The following FLT1 variants were observed in gnomAD, a reference collection of about 807,000 sequenced individuals.
The protein encoded by FLT1 is fms related receptor tyrosine kinase 1, also known as vascular endothelial growth factor receptor 1.
FLT1 carries 49 observed loss-of-function variants against 156.3 expected under a neutral mutation model. That is an observed-to-expected ratio of 0.31 (90% CI 0.25 to 0.40). The LOEUF is 0.40. Among genes scored for constraint, FLT1 ranks in the 10% least tolerant of loss-of-function variants. The probability of loss-of-function intolerance (pLI) is 1.00; values close to 1 mark genes in which losing one functional copy is unlikely to be tolerated. For synonymous variants in FLT1, 594 were observed against 583.8 expected (o/e 1.02, Z -0.25); for missense variants, 1,322 against 1,637.2 (o/e 0.81, Z 3.32).
At chr13:28,372,070 A>ATT (rs1565990447) in intron 14 of FLT1, among the ~76,000 whole-genome samples, 38 of 17,218 alleles carry the variant, frequency 2.2e-3, no homozygotes, top group South Asian at 5.0e-3. Context: ...ATATATATAT[A>ATT]TATATATTTT....
At position 28,495,093 on chromosome 13, in the gene FLT1, C is replaced by A; in HGVS notation, c.-250G>T. ...CCGGGGAGGAGCCGAGAGGAGTGTC[C>A]GCCTGGCGCGCTCCGAGCCTCCCGC... On this transcript the variant is annotated 5_prime_UTR_variant, in exon 1 of 30. Transcript: ENST00000282397. The surrounding 1 kb of genome is among the most constrained non-coding windows in gnomAD (Gnocchi z 4.1). 2.2e-6 allele frequency: 1 copy of A among 452,846 alleles called. No homozygotes were observed. Among genetic ancestry groups the A allele is most frequent in the Non-Finnish European group, 3.8e-6 (1 of 259,848 alleles). 28.1% of individuals were successfully genotyped at this position (452,846 alleles called of 1,614,324 possible).
intron 1 of FLT1, among the ~76,000 whole-genome samples, chr13:28,490,401 A>C (rs1454520300): frequency 6.6e-6 from 1 of 152,248 alleles, no homozygotes; most frequent in Non-Finnish European, 1.5e-5. Context: ...TATCTTCAGC[A>C]GACTCAATGC....
chr13:28,472,017 G>A (rs1205229139), intron 1 of FLT1, among the ~76,000 whole-genome samples: 1 of 152,148 alleles, frequency 6.6e-6, no homozygotes, highest in African/African-American at 2.4e-5. Context: ...ATGTGAACGT[G>A]GACTTATTTG....
At chr13:28,365,963 A>AGGG (rs1873276139) in intron 14 of FLT1, among the ~76,000 whole-genome samples, 1 of 152,212 alleles carries the variant, frequency 6.6e-6, no homozygotes, top group African/African-American at 2.4e-5. Context: ...GGATAAAATA[A>AGGG]TGGAAGGGGG....
At chr13:28,492,555 A>G (rs1881527893) in intron 1 of FLT1, among the ~76,000 whole-genome samples, 1 of 152,218 alleles carries the variant, frequency 6.6e-6, no homozygotes, top group African/African-American at 2.4e-5. Flanking sequence ...TTACCTCTCA[A>G]TGCATGTGCA....
intron 14 of FLT1, among the ~76,000 whole-genome samples, chr13:28,380,153 G>A (rs78255418): frequency 1.3e-5 from 2 of 152,114 alleles, no homozygotes; most frequent in African/African-American, 4.8e-5. Flanking sequence ...CTGGCTAAAG[G>A]CTGAGTATAT....
At chr13:28,320,332 G>C (rs751824115) in intron 23 of FLT1, among the ~76,000 whole-genome samples, 14 of 152,088 alleles carry the variant, frequency 9.2e-5, no homozygotes, top group Non-Finnish European at 1.6e-4. Context: ...TTTTTACAAA[G>C]GATCAATGTG....
At chr13:28,456,381 A>G (rs1593813096) in intron 3 of FLT1, among the ~76,000 whole-genome samples, 1 of 152,182 alleles carries the variant, frequency 6.6e-6, no homozygotes, top group African/African-American at 2.4e-5. Flanking sequence ...CCATGGAAAG[A>G]CATGGAGGAA....
chr13:28,473,674 AG>A (rs1489995104), intron 1 of FLT1, among the ~76,000 whole-genome samples: 32 of 98,836 alleles, frequency 3.2e-4, no homozygotes, highest in South Asian at 7.2e-4. Flanking sequence ...AGAAAGAAAG[AG>A]AGAGAGAGAG....
chr13:28,388,375 G>C, intron 13 of FLT1: 1 of 1,057,652 alleles, frequency 9.5e-7, no homozygotes, highest in Non-Finnish European at 1.1e-6. Context: ...TCCCAAGCTT[G>C]AGAAGTTGTC....
intron 1 of FLT1, among the ~76,000 whole-genome samples, chr13:28,482,787 T>C (rs780973850): frequency 3.9e-5 from 6 of 152,246 alleles, no homozygotes; most frequent in Non-Finnish European, 7.3e-5. Context: ...AAGGCTAAAG[T>C]GAAGTAGAAA....
intron 14 of FLT1, among the ~76,000 whole-genome samples, chr13:28,373,635 T>C (rs1228641185): frequency 1.3e-5 from 2 of 152,214 alleles, no homozygotes; most frequent in Non-Finnish European, 1.5e-5. Flanking sequence ...CATGAAAGCA[T>C]GAAAGCATGT....
chr13:28,370,375 G>A (rs1873506133), intron 14 of FLT1, among the ~76,000 whole-genome samples: 1 of 152,138 alleles, frequency 6.6e-6, no homozygotes, highest in Non-Finnish European at 1.5e-5. Context: ...TAAATGACGA[G>A]TTAATGGGTG....
chr13:28,418,737 T>A (rs1876810881), intron 10 of FLT1, among the ~76,000 whole-genome samples: 1 of 152,056 alleles, frequency 6.6e-6, no homozygotes, highest in Non-Finnish European at 1.5e-5. Flanking sequence ...CTAATTTTTT[T>A]TATTTTTATC....
intron 13 of FLT1, chr13:28,388,587 C>T (rs1874512768): frequency 8.5e-6 from 9 of 1,053,754 alleles, no homozygotes; most frequent in Non-Finnish European, 1.0e-5. Context: ...GAGATTACAA[C>T]TTCTCTTGAT....
chr13:28,374,723 C>T lies in FLT1; in HGVS notation c.2116+10162G>A, dbSNP rs372331306. The stretch of plus-strand genomic sequence containing the variant: ...AGAGACAGGGTTTCACCGTGTTAGC[C>T]AGGATGGTCTCGATCTCCTGACCTT... On this transcript the variant is annotated intron_variant, in intron 14 of 29. Coordinates refer to ENST00000282397, the MANE Select transcript of FLT1 (RefSeq NM_002019.4). Among the ~76,000 whole-genome samples, 37 of 152,164 alleles carry T rather than the reference C, an allele frequency of 2.4e-4. No homozygotes were observed. The East Asian group carries it at 5.8e-3, about 24-fold the overall frequency.
In FLT1 at chr13:28,304,487, C is replaced by G. The variant is rs530631889; in HGVS notation, c.3816-1119G>C. 2.6e-4 allele frequency among the ~76,000 whole-genome samples: 40 copies of G among 152,108 alleles called. 1 individual carries two copies. The South Asian group carries it at 8.3e-3, about 32-fold the overall frequency. On this transcript the variant is annotated intron_variant, in intron 29 of 29. Transcript: ENST00000282397. Reference sequence around the variant, plus strand: ...TAGATCAGGGTTCAAAAACTATAACCCATATCTGCCCACCTGTCTGGTGTT... The same window carrying G: ...TAGATCAGGGTTCAAAAACTATAACGCATATCTGCCCACCTGTCTGGTGTT...
chr13:28,454,950 A>G (rs1206290292), intron 3 of FLT1, among the ~76,000 whole-genome samples: 1 of 152,200 alleles, frequency 6.6e-6, no homozygotes, highest in East Asian at 1.9e-4. Flanking sequence ...CAAAATATAT[A>G]TAAGAATCTA....
At chr13:28,443,234 A>G (rs1878430270) in intron 3 of FLT1, among the ~76,000 whole-genome samples, 1 of 152,208 alleles carries the variant, frequency 6.6e-6, no homozygotes, top group African/African-American at 2.4e-5. Flanking sequence ...CTTCAGGACA[A>G]CAAGTGGGCT....
Sources: gnomAD v4.1 joint callset for allele counts (sites outside exome capture counted in the v4.1 genomes callset) on GRCh38, gnomAD v4.1.1 for gene constraint, Gnocchi (gnomAD v3.1) non-coding constraint, MANE v1.5 for transcripts, NCBI Gene and HGNC (gene_info 2026-07-23, HGNC 2026-07-21) for gene names.